Variants in KMT5B observed in about 807,000 individuals in gnomAD.
KMT5B encodes the protein lysine methyltransferase 5B, also known as histone-lysine N-methyltransferase KMT5B.
A neutral mutation model predicts 83.2 loss-of-function variants in KMT5B; 10 were observed. The ratio of observed to expected loss-of-function variants is 0.12; its 90% confidence interval spans 0.07 to 0.20. The LOEUF (loss-of-function observed/expected upper bound fraction) is 0.20. Among genes scored for constraint, KMT5B ranks in the 10% least tolerant of loss-of-function variants. The pLI is 1.00. For missense variants in KMT5B, 753 were observed against 1,067.2 expected (o/e 0.71, Z 4.10); for synonymous variants, 349 against 388.8 (o/e 0.90, Z 1.20).
intron 1 of KMT5B, among the ~76,000 whole-genome samples, chr11:68,208,536 T>C (rs12225316): frequency 0.44 from 67,221 of 151,882 alleles, 15,537 homozygotes; most frequent in East Asian, 0.64. Flanking sequence ...CCTGACTGCA[T>C]AGAGGTCAGA....
rs1198441050 is a variant in KMT5B, at chr11:68,156,869, A to C, written c.*819T>G. The C allele has an allele frequency of 6.5e-6, 1 of 152,688 alleles. No individual in the cohort carries two copies. Among genetic ancestry groups the C allele is most frequent in the Non-Finnish European group, 1.5e-5 (1 of 68,050 alleles). The allele number at this position is 152,688 out of a possible 1,614,324, so 9.5% of individuals were successfully genotyped here. ...AATTAAGATAGCTGTAGTTCATTAG[A>C]TAAATGTTGCTTGTTGTCATCACGT... On this transcript the variant is annotated 3_prime_UTR_variant, in exon 11 of 11. Transcript: ENST00000304363.
intron 9 of KMT5B, among the ~76,000 whole-genome samples, chr11:68,168,398 C>T (rs1287585490): frequency 1.3e-5 from 2 of 149,248 alleles, no homozygotes; most frequent in African/African-American, 2.5e-5. Context: ...TGCAGTGGTG[C>T]GATCTTGGCT....
At position 68,189,977 on chromosome 11, in the gene KMT5B, GCTGTAATTTTGATTGATT is replaced by G; in HGVS notation, c.82_99del (p.Asn28_Gln33del). On this transcript the variant is annotated inframe_deletion, in exon 2 of 11. Transcript: ENST00000304363. ...GCCTTCAGGGTGTCCTTCCCCGTGT[GCTGTAATTTTGATTGATT>G]CTGCTGATGGTCATTAGACAACTTG... The G allele has an allele frequency of 6.2e-7, 1 of 1,614,134 alleles. No individual in the cohort carries two copies. The highest frequency in any genetic ancestry group is 8.5e-7 in the Non-Finnish European group (1 of 1,180,012).
intron 1 of KMT5B, among the ~76,000 whole-genome samples, chr11:68,206,254 T>C (rs984207942): frequency 1.3e-5 from 2 of 152,222 alleles, no homozygotes; most frequent in Non-Finnish European, 2.9e-5. Flanking sequence ...GGATGCTTTC[T>C]TTGTTACTGT....
intron 1 of KMT5B, among the ~76,000 whole-genome samples, chr11:68,197,558 A>C (rs1353603483): frequency 6.6e-6 from 1 of 152,206 alleles, no homozygotes; most frequent in Non-Finnish European, 1.5e-5. Flanking sequence ...AGTAATAGCA[A>C]ACTTTGGTTC....
At chr11:68,174,662 G>A (rs1428664694) in intron 5 of KMT5B, among the ~76,000 whole-genome samples, 2 of 152,058 alleles carry the variant, frequency 1.3e-5, no homozygotes, top group East Asian at 3.9e-4. Flanking sequence ...CTGAGTAGCC[G>A]GAACTACAAA....
At chr11:68,169,557 T>A (rs1855645454) in intron 9 of KMT5B, among the ~76,000 whole-genome samples, 1 of 152,222 alleles carries the variant, frequency 6.6e-6, no homozygotes, top group Non-Finnish European at 1.5e-5. Context: ...CTATTCTACA[T>A]GCTTTACAGG....
intron 3 of KMT5B, among the ~76,000 whole-genome samples, chr11:68,180,735 G>A (rs538923817): frequency 1.3e-5 from 2 of 152,112 alleles, no homozygotes; most frequent in Non-Finnish European, 2.9e-5. Context: ...TGACATCTCA[G>A]GGTCATGCAG....
chr11:68,159,145 C>T lies in KMT5B; in HGVS notation c.1201G>A (p.Val401Ile), dbSNP rs547961826. Reference sequence around the variant, plus strand: ...GTTCTGCTCTTGCTATTCTTTTTTACGCCAACTGAAGATTTTCGGTTAGAA... The same window carrying T: ...GTTCTGCTCTTGCTATTCTTTTTTATGCCAACTGAAGATTTTCGGTTAGAA... ...ATSNRKSSVG[V>I]KKNSKSRTLT... Residue 401 changes from valine to isoleucine, a missense_variant, in exon 11 of 11, where the codon GTA becomes ATA. By Grantham distance (29) the Val-to-Ile change is conservative. Around this residue, in one of 9 missense-constraint regions of KMT5B, gnomAD observed 397 missense variants for 395.9 expected, o/e 1.00. Coordinates refer to ENST00000304363, the MANE Select transcript of KMT5B (RefSeq NM_017635.5). 5.7e-6 allele frequency: 9 copies of T among 1,574,458 alleles called. No homozygotes were observed. Among genetic ancestry groups the T allele is most frequent in the Middle Eastern group, 1.7e-4 (1 of 5,858 alleles).
At position 68,202,737 on chromosome 11, in the gene KMT5B, C is replaced by T. The variant is rs142246010; in HGVS notation, c.-77+10401G>A. Among the ~76,000 whole-genome samples the T allele has an allele frequency of 4.7e-4, 72 of 151,616 alleles. No homozygotes were observed. The East Asian group carries it at 7.0e-3, about 15-fold the overall frequency. On this transcript the variant is annotated intron_variant, in intron 1 of 10. Coordinates refer to ENST00000304363, the MANE Select transcript of KMT5B (RefSeq NM_017635.5). ...CTAATTTTTGTATTTTTAGTAGACA[C>T]GGGGTTTCACCATGTTGGTTGGGCT...
chr11:68,213,618 CCGCCGCGT>C (rs1256820969), upstream of KMT5B: 2 of 153,926 alleles, frequency 1.3e-5, no homozygotes, highest in Non-Finnish European at 2.9e-5. Flanking sequence ...GCCCGCACCG[CCGCCGCGT>C]CGCCGCCCCC....
At chr11:68,201,674 G>A (rs1460943569) in intron 1 of KMT5B, among the ~76,000 whole-genome samples, 1 of 152,040 alleles carries the variant, frequency 6.6e-6, no homozygotes, top group Non-Finnish European at 1.5e-5. Context: ...GAACCCTCTA[G>A]CCAGTTGACA....
intron 4 of KMT5B, among the ~76,000 whole-genome samples, chr11:68,177,271 A>C (rs1856474738): frequency 6.6e-6 from 1 of 152,226 alleles, no homozygotes; most frequent in African/African-American, 2.4e-5. Context: ...AGCACCTAAA[A>C]GTATAGAAAT....
chr11:68,178,263 T>C (rs1340614912), intron 4 of KMT5B, among the ~76,000 whole-genome samples: 1 of 152,234 alleles, frequency 6.6e-6, no homozygotes, highest in African/African-American at 2.4e-5. Flanking sequence ...ATAGGCTTTA[T>C]GTGTGTTCTA....
intron 1 of KMT5B, among the ~76,000 whole-genome samples, chr11:68,191,758 T>C (rs72928484): frequency 5.9e-5 from 9 of 152,340 alleles, no homozygotes; most frequent in Non-Finnish European, 1.3e-4. Flanking sequence ...AGGTTAATTA[T>C]TGAAGAAACA....
intron 1 of KMT5B, among the ~76,000 whole-genome samples, chr11:68,195,945 C>T (rs1858647730): frequency 6.6e-6 from 1 of 152,126 alleles, no homozygotes; most frequent in African/African-American, 2.4e-5. Flanking sequence ...TCACTTGAAT[C>T]CAGGAGTTTG....
chr11:68,173,166 G>A (rs1003042006), intron 6 of KMT5B, among the ~76,000 whole-genome samples: 6 of 152,040 alleles, frequency 3.9e-5, no homozygotes, highest in Non-Finnish European at 8.8e-5. Flanking sequence ...TCAGCCACCC[G>A]AGTAGCTAGG....
intron 9 of KMT5B, among the ~76,000 whole-genome samples, chr11:68,168,942 T>C (rs979179350): frequency 2.0e-5 from 3 of 152,232 alleles, no homozygotes; most frequent in Admixed American, 6.5e-5. Flanking sequence ...TCAGTTAATA[T>C]GTAATGAATA....
chr11:68,194,868 A>C lies in KMT5B; in HGVS notation c.-76-4716T>G, dbSNP rs546612793. ...ATTAGGTTTTTTGTTGTATCCTATA[A>C]AAAGCTGCATTAACAACAAGCAAAT... On this transcript the variant is annotated intron_variant, in intron 1 of 10. Transcript: ENST00000304363. Among the ~76,000 whole-genome samples, 8 of 152,342 alleles carry C rather than the reference A, an allele frequency of 5.3e-5. No homozygotes were observed. The South Asian group carries it at 1.7e-3, about 32-fold the overall frequency.
Sources: gnomAD v4.1 joint callset for allele counts (sites outside exome capture counted in the v4.1 genomes callset) on GRCh38, gnomAD v4.1.1 for gene constraint, gnomAD v4.1.1 regional missense constraint, MANE v1.5 for transcripts, NCBI Gene and HGNC (gene_info 2026-07-23, HGNC 2026-07-21) for gene names.